The following MSN variants were observed in gnomAD, a reference collection of about 807,000 sequenced individuals.
MSN encodes moesin.
MSN carries 2 observed loss-of-function variants against 48.0 expected under a neutral mutation model. The ratio of observed to expected loss-of-function variants is 0.04; its 90% confidence interval spans 0.02 to 0.13. The LOEUF (loss-of-function observed/expected upper bound fraction) is 0.13. MSN is among the 10% of genes least tolerant of loss of function. The probability of loss-of-function intolerance (pLI) is 1.00; values close to 1 mark genes in which losing one functional copy is unlikely to be tolerated. For synonymous variants in MSN, 146 were observed against 166.9 expected, an observed-to-expected ratio of 0.87 and a Z score of 0.97; for missense variants, 267 against 470.1, an observed-to-expected ratio of 0.57 and a Z score of 3.99.
At chrX:65,686,573 C>T (rs780772463) in intron 1 of MSN, among the ~76,000 whole-genome samples, 2 of 112,741 alleles carry the variant, frequency 1.8e-5, no homozygotes, top group Non-Finnish European at 3.7e-5. Flanking sequence ...TTTTGGGCTA[C>T]TTGAGAAGGT....
chrX:65,658,213 A>G (rs1184395883), intron 1 of MSN, among the ~76,000 whole-genome samples: 2 of 111,783 alleles, frequency 1.8e-5, no homozygotes, highest in African/African-American at 3.3e-5. Context: ...AGGGGAGACA[A>G]CAGTATCTAA....
At position 65,692,357 on chromosome X, in the gene MSN, G is replaced by A. The variant is rs752941175; in HGVS notation, c.13-24461G>A. Among the ~76,000 whole-genome samples the A allele has an allele frequency of 1.1e-3, 124 of 112,449 alleles. 1 individual carries two copies. The highest frequency in any genetic ancestry group is 1.4e-3 in the Non-Finnish European group (72 of 53,278). On this transcript the variant is annotated intron_variant, in intron 1 of 12. Transcript: ENST00000360270. Reference sequence around the variant, plus strand: ...TGAGCTTTTGTGGAAGATGGTTAGTGGTCTAAGCTTATTATCTATTTTTTC... The same window carrying A: ...TGAGCTTTTGTGGAAGATGGTTAGTAGTCTAAGCTTATTATCTATTTTTTC...
upstream of MSN, among the ~76,000 whole-genome samples, chrX:65,665,156 C>T (rs1356914290): frequency 9.0e-6 from 1 of 111,662 alleles, no homozygotes; most frequent in Non-Finnish European, 1.9e-5. Context: ...TGGGGAATGA[C>T]ACAAGGGAGT....
At chrX:65,734,980 C>G (rs1482476289) in intron 7 of MSN, among the ~76,000 whole-genome samples, 5 of 111,742 alleles carry the variant, frequency 4.5e-5, no homozygotes, top group Non-Finnish European at 9.4e-5. Context: ...GATGCTTTCA[C>G]AAGCAAAGAT....
At chrX:65,688,533 A>T (rs1227504012) in intron 1 of MSN, among the ~76,000 whole-genome samples, 1 of 112,025 alleles carries the variant, frequency 8.9e-6, no homozygotes, top group Non-Finnish European at 1.9e-5. Context: ...GAGTGTGGGA[A>T]GGGAAGGCAG....
chrX:65,711,242 G>A (rs866412465), intron 1 of MSN, among the ~76,000 whole-genome samples: 23 of 111,645 alleles, frequency 2.1e-4, no homozygotes, highest in South Asian at 3.7e-4. Flanking sequence ...TGTATTTTTA[G>A]TAGAGGTGGG....
At chrX:65,649,246 T>A (rs1341789379) in intron 1 of MSN, among the ~76,000 whole-genome samples, 18 of 94,007 alleles carry the variant, frequency 1.9e-4, no homozygotes, top group African/African-American at 8.7e-4. Flanking sequence ...CTTAAAAAAA[T>A]TTATATATAT....
At chrX:65,719,377 A>C (rs146981830) in intron 2 of MSN, among the ~76,000 whole-genome samples, 188 of 112,025 alleles carry the variant, frequency 1.7e-3, no homozygotes, top group African/African-American at 5.8e-3. Flanking sequence ...TGTGCATTCC[A>C]TCTCTCTTTC....
At chrX:65,725,016 G>T (rs903428822) in intron 2 of MSN, among the ~76,000 whole-genome samples, 2 of 111,893 alleles carry the variant, frequency 1.8e-5, no homozygotes, top group African/African-American at 6.5e-5. Flanking sequence ...AAAATACCTG[G>T]AGCTAGTTAC....
chrX:65,596,297 C>A (rs145867022), intron 1 of MSN, among the ~76,000 whole-genome samples: 79 of 111,247 alleles, frequency 7.1e-4, no homozygotes, highest in African/African-American at 2.5e-3. Flanking sequence ...GGATGCAGTC[C>A]TTGCTTAAGC....
chrX:65,653,727 C>T (rs939764180), intron 1 of MSN, among the ~76,000 whole-genome samples: 1 of 110,312 alleles, frequency 9.1e-6, no homozygotes, highest in Non-Finnish European at 1.9e-5. Flanking sequence ...CCAGAACCTA[C>T]ATTTATATAC....
intron 9 of MSN, 84 bp downstream of exon 9, chrX:65,737,009 A>G: frequency 1.8e-5 from 21 of 1,160,436 alleles, no homozygotes; most frequent in Non-Finnish European, 2.4e-5. Context: ...CTGTAGACTC[A>G]GACAATGTAG....
chrX:65,619,349 C>G (rs1312879797), intron 1 of MSN, among the ~76,000 whole-genome samples: 2 of 98,091 alleles, frequency 2.0e-5, no homozygotes, highest in Non-Finnish European at 3.8e-5. Flanking sequence ...GTACACCAAT[C>G]AGACGTAGAT....
intron 1 of MSN, among the ~76,000 whole-genome samples, chrX:65,679,145 G>A (rs1416573660): frequency 1.8e-5 from 2 of 111,573 alleles, no homozygotes; most frequent in Non-Finnish European, 3.8e-5. Context: ...CTTGGGTGGG[G>A]TCTTGGAGTC....
At chrX:65,612,748 A>G (rs1298904806) in intron 1 of MSN, among the ~76,000 whole-genome samples, 3 of 107,500 alleles carry the variant, frequency 2.8e-5, no homozygotes, top group Admixed American at 1.0e-4. Flanking sequence ...TTTAGTAGAG[A>G]TGGGGTTTCA....
chrX:65,618,691 C>A (rs1433300377), intron 1 of MSN, among the ~76,000 whole-genome samples: 11 of 110,057 alleles, frequency 1.0e-4, no homozygotes, highest in Non-Finnish European at 1.3e-4. Context: ...TTAATTGGAG[C>A]ATTTAGTCCA....
chrX:65,688,061 G>A (rs1369816890), intron 1 of MSN, among the ~76,000 whole-genome samples: 1 of 111,743 alleles, frequency 8.9e-6, no homozygotes, highest in Admixed American at 9.5e-5. Context: ...GCGAATTGAA[G>A]GAATCTCTTG....
At chrX:65,732,813 G>A (rs1014920296) in intron 6 of MSN, among the ~76,000 whole-genome samples, 4 of 112,240 alleles carry the variant, frequency 3.6e-5, no homozygotes, top group Non-Finnish European at 7.5e-5. Context: ...GGAATCATAT[G>A]TTAGTTGTAC....
intron 12 of MSN, 46 bp from the exon 13 acceptor site, chrX:65,739,683 A>C (rs2071715913): frequency 8.6e-7 from 1 of 1,160,619 alleles, no homozygotes; most frequent in Non-Finnish European, 1.2e-6. Context: ...CAGGAGGTAA[A>C]ATGAGAGAAA....
Sources: gnomAD v4.1 joint callset for allele counts (sites outside exome capture counted in the v4.1 genomes callset) on GRCh38, gnomAD v4.1.1 for gene constraint, MANE v1.5 for transcripts, NCBI Gene and HGNC (gene_info 2026-07-23, HGNC 2026-07-21) for gene names.